BAALC: variants seen among roughly 807,000 people sequenced by gnomAD.
BAALC encodes BAALC binder of MAP3K1 and KLF4, also known as brain and acute leukemia cytoplasmic protein.
In BAALC, 9 loss-of-function variants were observed where a neutral mutation model predicts 15.5. The observed-to-expected ratio is 0.58, with a 90% CI of 0.35 to 1.02. The LOEUF is 1.02. BAALC is among the 50% of genes least tolerant of loss of function. The probability of loss-of-function intolerance (pLI) is 0.02; values close to 1 mark genes in which losing one functional copy is unlikely to be tolerated. For missense variants in BAALC, 201 were observed against 192.4 expected (o/e 1.04, Z -0.27); for synonymous variants, 80 against 74.6 (o/e 1.07, Z -0.37).
intron 1 of BAALC, among the ~76,000 whole-genome samples, chr8:103,149,366 C>A (rs541598263): frequency 2.0e-5 from 3 of 152,242 alleles, no homozygotes; most frequent in African/African-American, 7.2e-5. Context: ...GTGTCACCTG[C>A]ATCCCAGTCA....
chr8:103,147,526 T>C (rs1810902477), intron 1 of BAALC, among the ~76,000 whole-genome samples: 1 of 152,064 alleles, frequency 6.6e-6, no homozygotes, highest in Non-Finnish European at 1.5e-5. Flanking sequence ...CTTCTCTGAG[T>C]CAGAAAGGGG....
chr8:103,150,376 G>A (rs1810961041), intron 1 of BAALC, among the ~76,000 whole-genome samples: 1 of 145,110 alleles, frequency 6.9e-6, no homozygotes, highest in African/African-American at 2.5e-5. Context: ...TGTATGGCTG[G>A]GTGTGTCTGT....
At chr8:103,162,747 A>G (rs1811255489) in intron 1 of BAALC, among the ~76,000 whole-genome samples, 1 of 66,628 alleles carries the variant, frequency 1.5e-5, no homozygotes, top group East Asian at 6.1e-4. Context: ...CTAGAAAAGC[A>G]TGGTAGTTTT....
At chr8:103,180,305 A>G (rs1420525541) in intron 1 of BAALC, among the ~76,000 whole-genome samples, 1 of 152,190 alleles carries the variant, frequency 6.6e-6, no homozygotes. Context: ...AGTGGTCACT[A>G]TGGTTTCCAG....
chr8:103,206,601 C>G (rs908515373), intron 1 of BAALC, among the ~76,000 whole-genome samples: 2 of 152,110 alleles, frequency 1.3e-5, no homozygotes, highest in Admixed American at 6.5e-5. Context: ...TCAGTCGTCT[C>G]CTGGGACACA....
chr8:103,190,337 T>G (rs1041906719), intron 1 of BAALC, among the ~76,000 whole-genome samples: 1 of 152,176 alleles, frequency 6.6e-6, no homozygotes, highest in South Asian at 2.1e-4. Flanking sequence ...GAATTCATCC[T>G]GTTCCACTCC....
At position 103,149,315 on chromosome 8, in the gene BAALC, A is replaced by G. The variant is rs190447621; in HGVS notation, c.160+8258A>G. On this transcript the variant is annotated intron_variant, in intron 1 of 2. Coordinates refer to ENST00000309982, the MANE Select transcript of BAALC (RefSeq NM_024812.3). ...CTGTGCTGAGTGCCCGTGCTGCTCC[A>G]ATCTCCATCTCCATAGAAAGGGTTG... Among the ~76,000 whole-genome samples, 194 of 152,286 alleles carry G rather than the reference A, an allele frequency of 1.3e-3. 1 individual carries two copies. Among genetic ancestry groups the G allele is most frequent in the African/African-American group, 4.5e-3 (188 of 41,566 alleles).
At chr8:103,160,731 T>C (rs1160242526) in intron 1 of BAALC, among the ~76,000 whole-genome samples, 4 of 152,172 alleles carry the variant, frequency 2.6e-5, no homozygotes, top group Non-Finnish European at 4.4e-5. Context: ...GAGAGCCCGT[T>C]TGAGTCCCAA....
chr8:103,193,813 C>A (rs753687209), intron 1 of BAALC, among the ~76,000 whole-genome samples: 3 of 152,154 alleles, frequency 2.0e-5, no homozygotes, highest in Non-Finnish European at 4.4e-5. Flanking sequence ...TGAACCCAGG[C>A]CTGCCTGACT....
At chr8:103,224,958 C>T (rs1043432770) in intron 2 of BAALC, among the ~76,000 whole-genome samples, 1 of 152,116 alleles carries the variant, frequency 6.6e-6, no homozygotes, top group Admixed American at 6.5e-5. Context: ...AAAATCAGAG[C>T]TTAGTCCTCA....
chr8:103,194,923 T>C (rs1241380183), intron 1 of BAALC, among the ~76,000 whole-genome samples: 1 of 152,184 alleles, frequency 6.6e-6, no homozygotes, highest in African/African-American at 2.4e-5. Flanking sequence ...CTTTCCCAAA[T>C]GCCCTACCTT....
At chr8:103,177,474 A>G (rs1811633200) in intron 1 of BAALC, among the ~76,000 whole-genome samples, 1 of 152,180 alleles carries the variant, frequency 6.6e-6, no homozygotes, top group Admixed American at 6.5e-5. Flanking sequence ...GGCATAAGCC[A>G]CTGTACCCGG....
intron 1 of BAALC, chr8:103,191,056 G>C (rs1388117638): frequency 6.6e-6 from 1 of 152,162 alleles, no homozygotes; most frequent in East Asian, 1.9e-4. Context: ...GAAACTAGCT[G>C]GGCATGGTGG....
intron 1 of BAALC, among the ~76,000 whole-genome samples, chr8:103,190,710 T>G (rs1414814879): frequency 6.6e-6 from 1 of 152,196 alleles, no homozygotes; most frequent in Non-Finnish European, 1.5e-5. Flanking sequence ...TGACATGATT[T>G]ATAAGGACTT....
intron 1 of BAALC, among the ~76,000 whole-genome samples, chr8:103,186,576 C>T (rs1262953826): frequency 6.6e-6 from 1 of 152,166 alleles, no homozygotes; most frequent in Non-Finnish European, 1.5e-5. Context: ...GATTTTTTGT[C>T]TGTCTCAAGG....
chr8:103,183,557 C>G, intron 1 of BAALC: 1 of 664,074 alleles, frequency 1.5e-6, no homozygotes, highest in South Asian at 1.6e-5. Flanking sequence ...CTTGGGAGAG[C>G]CTCTCAGGCC....
chr8:103,197,490 A>G (rs1356280680), intron 1 of BAALC, among the ~76,000 whole-genome samples: 1 of 152,230 alleles, frequency 6.6e-6, no homozygotes, highest in Admixed American at 6.5e-5. Flanking sequence ...AGGTCTGAAC[A>G]TAAGGCTGGC....
At chr8:103,206,094 T>A (rs1158468141) in intron 1 of BAALC, among the ~76,000 whole-genome samples, 1 of 152,178 alleles carries the variant, frequency 6.6e-6, no homozygotes, top group Non-Finnish European at 1.5e-5. Flanking sequence ...CTGAGGGCAG[T>A]TTCCAGAGTC....
At chr8:103,192,876 C>G (rs1450938061) in intron 1 of BAALC, among the ~76,000 whole-genome samples, 1 of 152,184 alleles carries the variant, frequency 6.6e-6, no homozygotes, top group Non-Finnish European at 1.5e-5. Flanking sequence ...TGCTTTGCCA[C>G]CAGCAACACC....
Sources: gnomAD v4.1 joint callset for allele counts (sites outside exome capture counted in the v4.1 genomes callset) on GRCh38, gnomAD v4.1.1 for gene constraint, MANE v1.5 for transcripts, NCBI Gene and HGNC (gene_info 2026-07-23, HGNC 2026-07-21) for gene names.